ROBO2: variants seen among roughly 807,000 people sequenced by gnomAD.
ROBO2 encodes roundabout guidance receptor 2, also known as roundabout homolog 2.
ROBO2 carries 53 observed loss-of-function variants against 160.8 expected under a neutral mutation model. The observed-to-expected ratio is 0.33, with a 90% CI of 0.26 to 0.41. ROBO2 has a LOEUF of 0.41. ROBO2 is among the 10% of genes least tolerant of loss of function. The pLI, the probability that ROBO2 is intolerant of heterozygous loss-of-function variation, is 1.00. For synonymous variants in ROBO2, 664 were observed against 611.7 expected, an observed-to-expected ratio of 1.09 and a Z score of -1.26; for missense variants, 1,577 against 1,722.4, an observed-to-expected ratio of 0.92 and a Z score of 1.49.
At chr3:77,415,414 G>T (rs892079693) in intron 2 of ROBO2, among the ~76,000 whole-genome samples, 4 of 152,152 alleles carry the variant, frequency 2.6e-5, no homozygotes, top group African/African-American at 9.7e-5. Flanking sequence ...GCAGAGGCTG[G>T]CCATAATTGA....
intron 2 of ROBO2, among the ~76,000 whole-genome samples, chr3:76,429,231 G>T (rs1402199899): frequency 6.6e-6 from 1 of 151,796 alleles, no homozygotes; most frequent in African/African-American, 2.4e-5. Flanking sequence ...ACAATACAAT[G>T]TATTGTATAT....
intron 2 of ROBO2, among the ~76,000 whole-genome samples, chr3:77,403,977 A>G (rs2076047252): frequency 6.6e-6 from 1 of 152,056 alleles, no homozygotes; most frequent in Non-Finnish European, 1.5e-5. Flanking sequence ...TCAAGTTGGC[A>G]TTTGCTGAAA....
intron 1 of ROBO2, among the ~76,000 whole-genome samples, chr3:77,071,148 G>GTTAGCAGT (rs1430443664): frequency 6.6e-6 from 1 of 152,132 alleles, no homozygotes; most frequent in Non-Finnish European, 1.5e-5. Context: ...AACAGCTACT[G>GTTAGCAGT]TTAGCAGTTT....
chr3:76,570,834 A>G (rs1408761906), intron 2 of ROBO2, among the ~76,000 whole-genome samples: 1 of 152,148 alleles, frequency 6.6e-6, no homozygotes, highest in Non-Finnish European at 1.5e-5. Context: ...AAGAAAGAAA[A>G]TATCTCTGTT....
At chr3:76,690,200 A>G (rs2092771858) in intron 2 of ROBO2, among the ~76,000 whole-genome samples, 1 of 152,150 alleles carries the variant, frequency 6.6e-6, no homozygotes, top group Admixed American at 6.6e-5. Context: ...CTATGGACCA[A>G]GACTGCTAAG....
chr3:76,064,208 C>T (rs1576699226), intron 2 of ROBO2, among the ~76,000 whole-genome samples: 2 of 152,176 alleles, frequency 1.3e-5, no homozygotes, highest in Non-Finnish European at 2.9e-5. Context: ...AGATTCCTGA[C>T]CCATGGAAAA....
chr3:76,755,116 G>A (rs1455778575), intron 2 of ROBO2, among the ~76,000 whole-genome samples: 2 of 151,714 alleles, frequency 1.3e-5, no homozygotes, highest in Non-Finnish European at 2.9e-5. Flanking sequence ...TTGACTGTGT[G>A]TCTTTTTCTT....
intron 2 of ROBO2, among the ~76,000 whole-genome samples, chr3:76,140,845 A>G (rs952640150): frequency 1.3e-5 from 2 of 150,796 alleles, no homozygotes; most frequent in Admixed American, 1.3e-4. Context: ...TATTTTTATT[A>G]TAATTTCACA....
intron 2 of ROBO2, among the ~76,000 whole-genome samples, chr3:76,948,549 CCTCTCCA>C (rs1342448736): frequency 6.8e-6 from 1 of 147,924 alleles, no homozygotes; most frequent in African/African-American, 2.5e-5. Context: ...TGATGTTCCA[CCTCTCCA>C]TTGGGGCTAT....
At chr3:76,274,570 G>A (rs1003416578) in intron 2 of ROBO2, among the ~76,000 whole-genome samples, 4 of 152,076 alleles carry the variant, frequency 2.6e-5, no homozygotes, top group African/African-American at 9.7e-5. Flanking sequence ...CGGGCACGGT[G>A]GATCACACCT....
Position 77,126,098 on chromosome 3 carries a change from T to G in ROBO2, c.388+27758T>G, listed in dbSNP as rs1258776073. ...AAAAAATATTGTGCTAATAAAGTTA[T>G]ACATTCTAATTGAAAGATTGATGGC... is the stretch of plus-strand genomic sequence containing the variant. On this transcript the variant is annotated intron_variant, in intron 2 of 25. Coordinates refer to ENST00000461745, the Ensembl canonical transcript of ROBO2. 3.3e-5 allele frequency among the ~76,000 whole-genome samples: 5 copies of G among 152,328 alleles called. No homozygotes were observed. In the East Asian group the frequency reaches 9.7e-4, roughly 29 times the overall value.
At chr3:76,303,531 T>C (rs1240378610) in intron 2 of ROBO2, among the ~76,000 whole-genome samples, 1 of 152,094 alleles carries the variant, frequency 6.6e-6, no homozygotes, top group Non-Finnish European at 1.5e-5. Flanking sequence ...ACTTGTTGAA[T>C]CAAAACCACA....
At chr3:76,250,804 A>G (rs1166079978) in intron 2 of ROBO2, among the ~76,000 whole-genome samples, 2 of 152,056 alleles carry the variant, frequency 1.3e-5, no homozygotes, top group South Asian at 2.1e-4. Flanking sequence ...AAATTTTTAT[A>G]TTGTTTTCAT....
chr3:76,921,032 G>T (rs183377937), intron 2 of ROBO2, among the ~76,000 whole-genome samples: 1 of 152,172 alleles, frequency 6.6e-6, no homozygotes, highest in Non-Finnish European at 1.5e-5. Context: ...AGAGAATGGA[G>T]GGTGGGGGGA....
intron 2 of ROBO2, among the ~76,000 whole-genome samples, chr3:76,395,752 T>C (rs1052790504): frequency 2.6e-5 from 4 of 152,012 alleles, no homozygotes; most frequent in East Asian, 1.9e-4. Context: ...GACACATACA[T>C]TCTCCCAAGA....
intron 2 of ROBO2, among the ~76,000 whole-genome samples, chr3:76,359,799 T>C (rs529419730): frequency 2.0e-5 from 3 of 152,194 alleles, no homozygotes; most frequent in Admixed American, 6.6e-5. Context: ...AGACTACTTT[T>C]AGCTTTTTCT....
At chr3:76,610,614 G>A (rs948925864) in intron 2 of ROBO2, among the ~76,000 whole-genome samples, 2 of 152,174 alleles carry the variant, frequency 1.3e-5, no homozygotes, top group Non-Finnish European at 2.9e-5. Context: ...GCATGTCACA[G>A]CTCTCCTTCT....
At chr3:77,280,227 C>T (rs2060154753) in intron 2 of ROBO2, among the ~76,000 whole-genome samples, 1 of 152,136 alleles carries the variant, frequency 6.6e-6, no homozygotes, top group Non-Finnish European at 1.5e-5. Flanking sequence ...AGACAAACCG[C>T]TTTTCTGCCG....
At chr3:77,386,354 G>A (rs932071658) in intron 2 of ROBO2, among the ~76,000 whole-genome samples, 5 of 152,018 alleles carry the variant, frequency 3.3e-5, no homozygotes, top group Admixed American at 2.0e-4. Flanking sequence ...TTTAAAAAAA[G>A]ATACCAGTGG....
Sources: gnomAD v4.1 joint callset for allele counts (sites outside exome capture counted in the v4.1 genomes callset) on GRCh38, gnomAD v4.1.1 for gene constraint, MANE v1.5 for transcripts, NCBI Gene and HGNC (gene_info 2026-07-23, HGNC 2026-07-21) for gene names.